Variants in MCPH1 observed in about 807,000 individuals in gnomAD.
MCPH1 encodes microcephalin.
A neutral mutation model predicts 84.5 loss-of-function variants in MCPH1; 104 were observed. The observed-to-expected ratio is 1.23, with a 90% confidence interval of 1.05 to 1.45. The LOEUF (loss-of-function observed/expected upper bound fraction) is 1.45, where lower values mean the gene tolerates loss of function less well. MCPH1 is among the 40% of genes most tolerant of loss of function. The probability of loss-of-function intolerance (pLI) is 0.00; values close to 1 mark genes in which losing one functional copy is unlikely to be tolerated. For synonymous variants in MCPH1, 514 were observed against 366.8 expected, an observed-to-expected ratio of 1.40 and a Z score of -4.58; for missense variants, 1,498 against 1,005.7, an observed-to-expected ratio of 1.49 and a Z score of -6.62.
At chr8:6,563,330 G>C (rs1389820786) in intron 12 of MCPH1, 2 of 155,890 alleles carry the variant, frequency 1.3e-5, no homozygotes, top group Non-Finnish European at 2.9e-5. Context: ...CGCCCTCCTG[G>C]CTTAGCCGTT....
chr8:6,463,321 A>T (rs570825886), intron 9 of MCPH1, among the ~76,000 whole-genome samples: 55 of 152,026 alleles, frequency 3.6e-4, no homozygotes, highest in Admixed American at 1.6e-3. Context: ...TATCATTAGA[A>T]CCTTCCTGAA....
rs1798217523 is a variant in MCPH1, at chr8:6,646,399, T to A, written c.*3350T>A. 1.3e-5 allele frequency: 2 copies of A among 152,194 alleles called. No homozygotes were observed. The highest frequency in any genetic ancestry group is 6.5e-5 in the Admixed American group (1 of 15,290). The allele number at this position is 152,194 out of a possible 1,614,324, so 9.4% of individuals were successfully genotyped here. A position where few individuals can be genotyped will look rare whatever the true frequency, so the allele number is the denominator to read the frequency against. ...CAAGAACAAAAGTATCACATTGGCATAAGAATAGACATGTAAATCAAATAA... is the reference window on the plus strand; with the variant it reads ...CAAGAACAAAAGTATCACATTGGCAAAAGAATAGACATGTAAATCAAATAA... On this transcript the variant is annotated 3_prime_UTR_variant, in exon 14 of 14. Coordinates refer to ENST00000344683, the MANE Select transcript of MCPH1 (RefSeq NM_024596.5).
intron 13 of MCPH1, chr8:6,626,730 G>C (rs1832120489): frequency 1.0e-6 from 1 of 985,166 alleles, no homozygotes; most frequent in African/African-American, 1.7e-5. Context: ...AACTTGGCTG[G>C]GGTGAGGATC....
chr8:6,414,804 T>G lies in MCPH1; in HGVS notation c.154T>G (p.Phe52Val), dbSNP rs1424787978. The G allele has an allele frequency of 6.2e-7, 1 of 1,613,894 alleles. No individual in the cohort carries two copies. The highest frequency in any genetic ancestry group is 2.2e-5 in the East Asian group (1 of 44,874). ...TFNKQVTHVI[F>V]KDGYQSTWDK... Reference sequence around the variant, plus strand: ...TAACAAACAAGTAACTCACGTTATCTTCAAAGATGGCTACCAGAGCACTTG... The same window carrying G: ...TAACAAACAAGTAACTCACGTTATCGTCAAAGATGGCTACCAGAGCACTTG... The change falls in exon 3 of 14, where the codon TTC becomes GTC. Residue 52 changes from phenylalanine to valine, a missense_variant. By Grantham distance (50) the Phe-to-Val change is conservative. Transcript: ENST00000344683.
chr8:6,412,948 A>G (rs1237239759), intron 2 of MCPH1, among the ~76,000 whole-genome samples: 1 of 152,220 alleles, frequency 6.6e-6, no homozygotes, highest in East Asian at 1.9e-4. Flanking sequence ...TTCCTTTTCC[A>G]TTTTTCAAAG....
chr8:6,457,401 A>G (rs1375669), intron 9 of MCPH1, among the ~76,000 whole-genome samples: 145,548 of 151,984 alleles, frequency 0.96, 70,012 homozygotes, highest in Non-Finnish European at 1. Context: ...CCTGGCCAAC[A>G]TGGCAAAACC....
chr8:6,499,786 T>C lies in MCPH1; in HGVS notation c.2137-66T>C, dbSNP rs2916715. ...ACTTTTTGCTGTGTCTTCAAAGTGA[T>C]TCTTGGTTTATTGCCTGCTAAGGCT... On this transcript the variant is annotated intron_variant, in intron 11 of 13. Coordinates refer to ENST00000344683, the MANE Select transcript of MCPH1 (RefSeq NM_024596.5). 0.32 allele frequency: 456,990 copies of C among 1,429,614 alleles called. 78,619 individuals are homozygous for C. The highest frequency in any genetic ancestry group is 0.38 in the Middle Eastern group (1,548 of 4,110). The allele number at this position is 1,429,614 out of a possible 1,614,324, so 88.6% of individuals were successfully genotyped here.
At chr8:6,642,902 T>A (rs1352955758) in intron 13 of MCPH1, 92 bp from the exon 14 acceptor site, 3 of 1,208,862 alleles carry the variant, frequency 2.5e-6, no homozygotes, top group African/African-American at 3.0e-5. Flanking sequence ...TATTTGTTTT[T>A]AAATATAGTT....
At chr8:6,489,232 G>A (rs1361322264) in intron 11 of MCPH1, among the ~76,000 whole-genome samples, 1 of 152,190 alleles carries the variant, frequency 6.6e-6, no homozygotes, top group African/African-American at 2.4e-5. Flanking sequence ...GTACCTGGAA[G>A]GGAGTGTGAA....
intron 12 of MCPH1, among the ~76,000 whole-genome samples, chr8:6,600,924 C>T (rs1344767939): frequency 1.3e-5 from 2 of 152,182 alleles, no homozygotes; most frequent in Non-Finnish European, 2.9e-5. Context: ...ACTTAACACA[C>T]TTCCATGCAC....
intron 12 of MCPH1, among the ~76,000 whole-genome samples, chr8:6,578,369 C>T (rs1827283178): frequency 6.6e-6 from 1 of 152,196 alleles, no homozygotes; most frequent in African/African-American, 2.4e-5. Flanking sequence ...CTTTGGGAAA[C>T]CCCTTTCCTG....
At chr8:6,438,915 C>G (rs1305242362) in intron 5 of MCPH1, 38 bp from the exon 6 acceptor site, 2 of 1,601,362 alleles carry the variant, frequency 1.2e-6, no homozygotes, top group East Asian at 2.2e-5. Flanking sequence ...TATGAAGGCA[C>G]TTTTTGGTCT....
At chr8:6,603,963 T>C (rs942641551) in intron 12 of MCPH1, among the ~76,000 whole-genome samples, 1 of 151,792 alleles carries the variant, frequency 6.6e-6, no homozygotes, top group Non-Finnish European at 1.5e-5. Flanking sequence ...TTTACAAGAT[T>C]AAAAATCAGT....
At chr8:6,454,357 A>G (rs924755403) in intron 8 of MCPH1, among the ~76,000 whole-genome samples, 1 of 152,190 alleles carries the variant, frequency 6.6e-6, no homozygotes, top group Non-Finnish European at 1.5e-5. Context: ...CTAGGCTGCT[A>G]CATAACTTTT....
chr8:6,529,691 C>G (rs1013152694), intron 12 of MCPH1, among the ~76,000 whole-genome samples: 1 of 149,280 alleles, frequency 6.7e-6, no homozygotes, highest in Non-Finnish European at 1.5e-5. Flanking sequence ...TCTCGGACTC[C>G]TGATCTCAAG....
intron 12 of MCPH1, among the ~76,000 whole-genome samples, chr8:6,552,854 A>T (rs1170555637): frequency 6.6e-6 from 1 of 151,828 alleles, no homozygotes; most frequent in African/African-American, 2.4e-5. Context: ...GAAAGAAGCC[A>T]GTCCGAAAAG....
At chr8:6,594,926 A>G in intron 12 of MCPH1, among the ~76,000 whole-genome samples, 1 of 152,230 alleles carries the variant, frequency 6.6e-6, no homozygotes, top group Admixed American at 6.5e-5. Flanking sequence ...CAGGGGCTCC[A>G]TAATGGTTTT....
At chr8:6,528,186 C>A (rs1818749710) in intron 12 of MCPH1, among the ~76,000 whole-genome samples, 1 of 152,204 alleles carries the variant, frequency 6.6e-6, no homozygotes, top group South Asian at 2.1e-4. Context: ...GCATTAGCCA[C>A]TGCACCCGGC....
In MCPH1 at chr8:6,442,061, T is replaced by C. The variant is rs1803593976; in HGVS notation, c.581-6T>C. On this transcript the variant is annotated splice_polypyrimidine_tract_variant and splice_region_variant and intron_variant, in intron 6 of 13. Coordinates refer to ENST00000344683, the MANE Select transcript of MCPH1 (RefSeq NM_024596.5). ...ATCTAATGCAGTGTCTTGGTCCTGT[T>C]TTTAGCTTCCCAAATGATTCAGCAG... 6.2e-7 allele frequency: 1 copy of C among 1,607,876 alleles called. No individual in the cohort carries two copies. Among genetic ancestry groups the C allele is most frequent in the Non-Finnish European group, 8.5e-7 (1 of 1,174,516 alleles).
Sources: gnomAD v4.1 joint callset for allele counts (sites outside exome capture counted in the v4.1 genomes callset) on GRCh38, gnomAD v4.1.1 for gene constraint, MANE v1.5 for transcripts, NCBI Gene and HGNC (gene_info 2026-07-23, HGNC 2026-07-21) for gene names.